CD302: variants seen among roughly 807,000 people sequenced by gnomAD.
CD302 encodes the protein CD302 molecule.
CD302 carries 23 observed loss-of-function variants against 26.5 expected under a neutral mutation model. That is an observed-to-expected ratio of 0.87 (90% CI 0.62 to 1.23). The LOEUF (loss-of-function observed/expected upper bound fraction) is 1.23. Among genes scored for constraint, CD302 ranks in the 50% most tolerant of loss-of-function variants. The pLI is 0.00. For missense variants in CD302, 290 were observed against 275.5 expected, an observed-to-expected ratio of 1.05 and a Z score of -0.37; for synonymous variants, 90 against 99.4, an observed-to-expected ratio of 0.91 and a Z score of 0.56.
At chr2:159,789,299 GC>G (rs1488512706) in intron 1 of CD302, among the ~76,000 whole-genome samples, 1 of 151,996 alleles carries the variant, frequency 6.6e-6, no homozygotes, top group Non-Finnish European at 1.5e-5. Flanking sequence ...ACTGTGCCCA[GC>G]CTACTTCAGT....
At chr2:159,779,094 G>C (rs905195008) in intron 4 of CD302, among the ~76,000 whole-genome samples, 2 of 151,898 alleles carry the variant, frequency 1.3e-5, no homozygotes, top group Non-Finnish European at 1.5e-5. Flanking sequence ...AGCCGGGCAT[G>C]GTGGCGGGTG....
At position 159,783,566 on chromosome 2, in the gene CD302, C is replaced by A; in HGVS notation, c.68-97G>T. ...ATATTAGATACTAAATTTTCACACA[C>A]ACACAAAGGCAATTTCCTTTGTTAA... is the stretch of plus-strand genomic sequence containing the variant. On this transcript the variant is annotated intron_variant, in intron 1 of 5. Transcript: ENST00000259053. 2.5e-6 allele frequency: 2 copies of A among 798,028 alleles called. 1 individual carries two copies. The allele number at this position is 798,028 out of a possible 1,614,324, so 49.4% of individuals were successfully genotyped here.
chr2:159,795,176 T>C (rs112150634), intron 1 of CD302, among the ~76,000 whole-genome samples: 7,125 of 150,870 alleles, frequency 0.047, 522 homozygotes, highest in African/African-American at 0.16. Context: ...TGAGCCGAGA[T>C]TGCGCCACCG....
intron 2 of CD302, chr2:159,781,465 CAGG>C (rs1708505928): frequency 6.5e-6 from 1 of 153,116 alleles, no homozygotes; most frequent in Non-Finnish European, 1.4e-5. Context: ...GAGGCTGAGG[CAGG>C]AGAATTGCTT....
intron 1 of CD302, among the ~76,000 whole-genome samples, chr2:159,795,441 C>T (rs1708927242): frequency 6.6e-6 from 1 of 152,102 alleles, no homozygotes; most frequent in Non-Finnish European, 1.5e-5. Context: ...CAAAACAAAA[C>T]AAAAATCCAC....
At chr2:159,776,094 C>G (rs1347571539) in intron 5 of CD302, among the ~76,000 whole-genome samples, 1 of 146,142 alleles carries the variant, frequency 6.8e-6, no homozygotes, top group Non-Finnish European at 1.5e-5. Flanking sequence ...CTCAGGTGAT[C>G]CACCGGTCTC....
rs1708051289 is a variant in CD302, at chr2:159,769,130, C to T, written c.*2721G>A. ...AATTCTGAACAAAAGAGACCATACA[C>T]TGCTCACTACAAGAATGCAATTTTC... On this transcript the variant is annotated 3_prime_UTR_variant, in exon 6 of 6. Transcript: ENST00000259053. The T allele has an allele frequency of 6.6e-6, 1 of 152,152 alleles. No homozygotes were observed. Among genetic ancestry groups the T allele is most frequent in the African/African-American group, 2.4e-5 (1 of 41,440 alleles). The allele number at this position is 152,152 out of a possible 1,614,324, so 9.4% of individuals were successfully genotyped here. A position where few individuals can be genotyped will look rare whatever the true frequency, so the allele number is the denominator to read the frequency against.
intron 2 of CD302, 60 bp from the exon 3 acceptor site, chr2:159,781,058 G>C (rs1574492568): frequency 7.4e-7 from 1 of 1,348,884 alleles, no homozygotes; most frequent in Non-Finnish European, 1.0e-6. Flanking sequence ...AAAATCACTA[G>C]GTACATAAAA....
intron 2 of CD302, chr2:159,781,385 C>T (rs1475497121): frequency 1.0e-5 from 1 of 99,048 alleles, no homozygotes; most frequent in East Asian, 2.4e-4. Flanking sequence ...CCTGTCCCTA[C>T]CAAAAAAAAA....
chr2:159,780,232 C>T, intron 3 of CD302, 54 bp from the exon 4 acceptor site: 1 of 1,578,398 alleles, frequency 6.3e-7, no homozygotes, highest in Non-Finnish European at 8.6e-7. Context: ...GGAGTTCAAG[C>T]CAAAAAGGGT....
Position 159,780,134 on chromosome 2 carries a change from TATCAA to T in CD302, c.335_339del (p.Phe112Ter), listed in dbSNP as rs753792338. The T allele has an allele frequency of 1.4e-5, 22 of 1,614,022 alleles. No individual in the cohort carries two copies. The South Asian group carries it at 2.1e-4, about 15-fold the overall frequency. ...TCATCATCATCTTGGTCTGTCCACT[TATCAA>T]ATGTCATATTTGAATTATCAAACCA... On this transcript the variant is annotated frameshift_variant, in exon 4 of 6. Coordinates refer to ENST00000259053, the MANE Select transcript of CD302 (RefSeq NM_014880.5). LOFTEE classifies it high-confidence loss of function.
In CD302 at chr2:159,771,774, G is replaced by T; in HGVS notation, c.*77C>A. ...TTAAAGCTCTAATATCCAATGTCAA[G>T]TTTTATATTAAAATCTTTCCCAAGT... is the stretch of plus-strand genomic sequence containing the variant. On this transcript the variant is annotated 3_prime_UTR_variant, in exon 6 of 6. Transcript: ENST00000259053. 1 of 1,502,592 alleles carries T rather than the reference G, an allele frequency of 6.7e-7. No homozygotes were observed. The highest frequency in any genetic ancestry group is 9.1e-7 in the Non-Finnish European group (1 of 1,097,598). 93.1% of individuals were successfully genotyped at this position (1,502,592 alleles called of 1,614,324 possible). A position where few individuals can be genotyped will look rare whatever the true frequency, so the allele number is the denominator to read the frequency against.
chr2:159,780,550 G>A (rs1340724035), intron 3 of CD302, among the ~76,000 whole-genome samples: 1 of 152,142 alleles, frequency 6.6e-6, no homozygotes, highest in Non-Finnish European at 1.5e-5. Context: ...TGATAAATAT[G>A]TTTATATAAT....
At chr2:159,772,528 C>T (rs868415723) in intron 5 of CD302, among the ~76,000 whole-genome samples, 1 of 152,084 alleles carries the variant, frequency 6.6e-6, no homozygotes, top group African/African-American at 2.4e-5. Context: ...TCTTTGCATT[C>T]ATTCATTCTT....
chr2:159,778,171 G>A (rs1708396212), intron 4 of CD302, among the ~76,000 whole-genome samples: 1 of 152,126 alleles, frequency 6.6e-6, no homozygotes, highest in South Asian at 2.1e-4. Flanking sequence ...GATGTAGAGG[G>A]CTAACAACAT....
chr2:159,785,936 A>T (rs1708653801), intron 1 of CD302, among the ~76,000 whole-genome samples: 1 of 152,126 alleles, frequency 6.6e-6, no homozygotes, highest in African/African-American at 2.4e-5. Context: ...ACCTTGGAAA[A>T]CTTATATTAT....
At position 159,771,515 on chromosome 2, in the gene CD302, G is replaced by A. The variant is rs1708146023; in HGVS notation, c.*336C>T. 5.2e-6 allele frequency: 1 copy of A among 192,830 alleles called. No homozygotes were observed. Among genetic ancestry groups the A allele is most frequent in the South Asian group, 1.1e-4 (1 of 8,738 alleles). The allele number at this position is 192,830 out of a possible 1,614,324, so 11.9% of individuals were successfully genotyped here. On this transcript the variant is annotated 3_prime_UTR_variant, in exon 6 of 6. Transcript: ENST00000259053. ...TACTAATAAACATATAAACTAAAGT[G>A]GGTCAACTAAATAGGGAAGATACAG...
chr2:159,785,498 T>C (rs1057432989), intron 1 of CD302, among the ~76,000 whole-genome samples: 2 of 152,194 alleles, frequency 1.3e-5, no homozygotes, highest in Non-Finnish European at 2.9e-5. Context: ...TACCAACATT[T>C]ACAAAGCAAA....
chr2:159,775,426 T>C (rs969095543), intron 5 of CD302, among the ~76,000 whole-genome samples: 10 of 152,244 alleles, frequency 6.6e-5, no homozygotes, highest in East Asian at 1.9e-4. Context: ...TTCCAACTTA[T>C]GTGTATCTTT....
Sources: gnomAD v4.1 joint callset for allele counts (sites outside exome capture counted in the v4.1 genomes callset) on GRCh38, gnomAD v4.1.1 for gene constraint, MANE v1.5 for transcripts, NCBI Gene and HGNC (gene_info 2026-07-23, HGNC 2026-07-21) for gene names.